STK3: variants seen among roughly 807,000 people sequenced by gnomAD.
STK3 encodes serine/threonine-protein kinase 3.
In STK3, 41 loss-of-function variants were observed where a neutral mutation model predicts 58.0. The ratio of observed to expected loss-of-function variants is 0.71; its 90% CI spans 0.55 to 0.92. The LOEUF (loss-of-function observed/expected upper bound fraction) is 0.92. Among genes scored for constraint, STK3 ranks in the 40% least tolerant of loss-of-function variants. The pLI, the probability that STK3 is intolerant of heterozygous loss-of-function variation, is 0.00. For missense variants in STK3, 479 were observed against 602.7 expected, an observed-to-expected ratio of 0.79 and a Z score of 2.15; for synonymous variants, 170 against 191.0, an observed-to-expected ratio of 0.89 and a Z score of 0.91.
intron 10 of STK3, among the ~76,000 whole-genome samples, chr8:98,518,707 C>T (rs1048242212): frequency 6.6e-6 from 1 of 152,122 alleles, no homozygotes; most frequent in Non-Finnish European, 1.5e-5. Flanking sequence ...ACTGTGCACA[C>T]GCCACACCAT....
At chr8:98,600,163 T>C (rs1816206199) in intron 6 of STK3, among the ~76,000 whole-genome samples, 1 of 152,150 alleles carries the variant, frequency 6.6e-6, no homozygotes, top group Non-Finnish European at 1.5e-5. Flanking sequence ...TAGCAATCAT[T>C]AATCTGGCCA....
chr8:98,690,697 T>C (rs527745332), intron 6 of STK3, among the ~76,000 whole-genome samples: 18 of 152,224 alleles, frequency 1.2e-4, no homozygotes, highest in East Asian at 1.2e-3. Context: ...AAAAAAACTA[T>C]TCCAAAATTT....
chr8:98,736,953 G>A (rs1828646203), intron 4 of STK3, among the ~76,000 whole-genome samples: 1 of 152,102 alleles, frequency 6.6e-6, no homozygotes, highest in Non-Finnish European at 1.5e-5. Flanking sequence ...GTTAATATAT[G>A]TAGTATATAC....
At chr8:98,365,881 G>A in the STK3 span, among the ~76,000 whole-genome samples, 1 of 152,050 alleles carries the variant, frequency 6.6e-6, no homozygotes, top group Non-Finnish European at 1.5e-5. Context: ...CCTTCTAGTT[G>A]CTGTACAGTA....
chr8:98,841,681 CAAAAAA>C (rs10605812), intron 3 of STK3, among the ~76,000 whole-genome samples: 1 of 86,712 alleles, frequency 1.2e-5, no homozygotes, highest in Admixed American at 1.4e-4. Flanking sequence ...GACCTGGTCT[CAAAAAA>C]AAAAAAAAAA....
In STK3 at chr8:98,455,879, G is replaced by A. The variant is rs761145064; in HGVS notation, c.1439C>T (p.Ala480Val). ...CTGCCTTCTTTTCTTTGCATCCATC[G>A]CATCCAGAATGGGCTGTCTTTTCGC... Reference protein sequence around the residue: ...YTAKRQPILDAMDAKKRRQQN... With the variant: ...YTAKRQPILDVMDAKKRRQQN... The change falls in exon 11 of 11, where the codon GCG (alanine) becomes GTG (valine). Residue 480 changes from alanine (A) to valine (V), a missense_variant. Physicochemically the swap from Ala to Val is moderately conservative, Grantham distance 64. This residue lies in a region of STK3 where 309 missense variants were observed against 355.7 expected (regional missense o/e 0.87). Coordinates refer to ENST00000419617, the MANE Select transcript of STK3 (RefSeq NM_006281.4). 8.1e-6 allele frequency: 13 copies of A among 1,613,484 alleles called. No individual in the cohort carries two copies. Among genetic ancestry groups the A allele is most frequent in the East Asian group, 4.5e-5 (2 of 44,884 alleles).
At chr8:98,653,545 C>G (rs1160415449) in intron 6 of STK3, among the ~76,000 whole-genome samples, 1 of 152,018 alleles carries the variant, frequency 6.6e-6, no homozygotes, top group Non-Finnish European at 1.5e-5. Flanking sequence ...AATTCAGGAG[C>G]TGGTTTTTTG....
At chr8:98,739,699 C>A (rs1307873911) in intron 4 of STK3, among the ~76,000 whole-genome samples, 1 of 148,820 alleles carries the variant, frequency 6.7e-6, no homozygotes, top group Non-Finnish European at 1.5e-5. Context: ...TCTCCTCCTC[C>A]AAAGGAACGC....
rs55929161 is a variant in STK3, at chr8:98,923,828, C to CGTGTGTGT, written c.-79+18542_-79+18549dup. Among the ~76,000 whole-genome samples, 271 of 144,352 alleles carry CGTGTGTGT rather than the reference C, an allele frequency of 1.9e-3. 2 individuals carry two copies. The highest frequency in any genetic ancestry group is 6.5e-3 in the African/African-American group (249 of 38,554). The allele number at this position is 144,352 out of a possible 152,430, so 94.7% of individuals were successfully genotyped here. A position where few individuals can be genotyped will look rare whatever the true frequency, so the allele number is the denominator to read the frequency against. ...TATGCAGGTTACAGTTTTGCAAAAACGTGTGTGTGTGTGTGTGTGTGTGTG... is the reference window on the plus strand; with the variant it reads ...TATGCAGGTTACAGTTTTGCAAAAACGTGTGTGTGTGTGTGTGTGTGTGTGTGTGTGTG... On this transcript the variant is annotated intron_variant, in intron 1 of 1. Transcript: ENST00000519420.
chr8:98,365,410 T>A, the STK3 span, among the ~76,000 whole-genome samples: 2 of 152,212 alleles, frequency 1.3e-5, no homozygotes, highest in South Asian at 4.1e-4. Flanking sequence ...TTCTAACTCC[T>A]TGATGAAGAG....
At chr8:98,590,696 C>T (rs575297942) in intron 7 of STK3, among the ~76,000 whole-genome samples, 1 of 152,232 alleles carries the variant, frequency 6.6e-6, no homozygotes, top group South Asian at 2.1e-4. Context: ...TTAAGTATGC[C>T]TCATGTAGAA....
chr8:98,795,094 AAAAAAAAAAATATAT>A (rs1414051423), intron 1 of STK3, among the ~76,000 whole-genome samples: 2 of 65,570 alleles, frequency 3.1e-5, no homozygotes, highest in African/African-American at 1.3e-4. Context: ...AAAAAAAAAA[AAAAAAAAAAATATAT>A]ATATATATAT....
At chr8:98,536,427 T>G (rs1179375039) in intron 9 of STK3, among the ~76,000 whole-genome samples, 1 of 152,112 alleles carries the variant, frequency 6.6e-6, no homozygotes, top group Non-Finnish European at 1.5e-5. Context: ...AAACACCATA[T>G]TCCAGTCTAG....
chr8:98,825,031 T>C (rs936126922), intron 1 of STK3, among the ~76,000 whole-genome samples: 1 of 152,180 alleles, frequency 6.6e-6, no homozygotes, highest in African/African-American at 2.4e-5. Context: ...ATATAAACTA[T>C]TAATAACAGT....
chr8:98,814,297 T>C (rs1390021545), intron 1 of STK3, among the ~76,000 whole-genome samples: 1 of 151,778 alleles, frequency 6.6e-6, no homozygotes, highest in Admixed American at 6.6e-5. Context: ...GTGATCCACC[T>C]GCCTCAACCT....
chr8:98,922,199 C>G (rs1839592722), intron 1 of STK3, among the ~76,000 whole-genome samples: 1 of 152,184 alleles, frequency 6.6e-6, no homozygotes, highest in African/African-American at 2.4e-5. Flanking sequence ...CTTCCTTCTT[C>G]TTGCTGTGAA....
At chr8:98,748,221 A>G (rs1829763536) in intron 4 of STK3, among the ~76,000 whole-genome samples, 1 of 152,192 alleles carries the variant, frequency 6.6e-6, no homozygotes, top group African/African-American at 2.4e-5. Flanking sequence ...TAACTGGGAT[A>G]TAATTACTTT....
At chr8:98,621,483 T>C (rs571185036) in intron 6 of STK3, among the ~76,000 whole-genome samples, 37 of 152,248 alleles carry the variant, frequency 2.4e-4, no homozygotes, top group Admixed American at 4.6e-4. Flanking sequence ...TTCCCAACAT[T>C]AGGGGAAAAC....
In STK3 at chr8:98,788,442, AAAAC is replaced by A. The variant is rs551372318; in HGVS notation, c.27-13627_27-13624del. On this transcript the variant is annotated intron_variant, in intron 1 of 10. Coordinates refer to ENST00000419617, the MANE Select transcript of STK3 (RefSeq NM_006281.4). ...GATGGAGTAAGACTCCATCTCAGAAAAAACAAACAAACAAACAAACAAAAAAAAA... is the reference window on the plus strand; with the variant it reads ...GATGGAGTAAGACTCCATCTCAGAAAAAACAAACAAACAAACAAAAAAAAA... Among the ~76,000 whole-genome samples the A allele has an allele frequency of 5.9e-4, 89 of 151,608 alleles. 3 individuals are homozygous for A. The South Asian group carries it at 0.013, about 22-fold the overall frequency.
Sources: allele counts gnomAD v4.1 joint callset (sites outside exome capture counted in the v4.1 genomes callset), GRCh38; gene constraint gnomAD v4.1.1; regional missense constraint gnomAD v4.1.1; transcripts MANE v1.5; gene names NCBI Gene and HGNC (gene_info 2026-07-23, HGNC 2026-07-21).